SEC14L6: variants seen among roughly 807,000 people sequenced by gnomAD.
SEC14L6 encodes the protein SEC14 like lipid binding 6.
In SEC14L6, 40 loss-of-function variants were observed where a neutral mutation model predicts 54.1. The ratio of observed to expected loss-of-function variants is 0.74; its 90% CI spans 0.57 to 0.96. SEC14L6 has a LOEUF of 0.96. Ranked by LOEUF, SEC14L6 falls within the 40% of genes least tolerant of loss-of-function variation. SEC14L6 has a pLI of 0.00. For missense variants in SEC14L6, 471 were observed against 498.3 expected, an observed-to-expected ratio of 0.95 and a Z score of 0.52; for synonymous variants, 171 against 198.4, an observed-to-expected ratio of 0.86 and a Z score of 1.16.
intron 2 of SEC14L6, among the ~76,000 whole-genome samples, chr22:30,535,427 T>C (rs1223065423): frequency 6.6e-6 from 1 of 152,196 alleles, no homozygotes; most frequent in East Asian, 1.9e-4. Flanking sequence ...CTCACATTGA[T>C]TTCATCTGGG....
At chr22:30,536,021 G>T (rs888766258) in intron 2 of SEC14L6, among the ~76,000 whole-genome samples, 1 of 151,558 alleles carries the variant, frequency 6.6e-6, no homozygotes, top group Non-Finnish European at 1.5e-5. Context: ...ACCAGGTCTG[G>T]CTAAGTTTTA....
chr22:30,528,119 CTTTTT>C (rs1201756831), intron 8 of SEC14L6, among the ~76,000 whole-genome samples: 2 of 117,678 alleles, frequency 1.7e-5, no homozygotes, highest in African/African-American at 3.2e-5. Flanking sequence ...ACCTAGATTT[CTTTTT>C]TTTTTTTTTT....
At chr22:30,531,771 G>A (rs1247918228) in intron 6 of SEC14L6, 132 bp downstream of exon 6, 5 of 638,150 alleles carry the variant, frequency 7.8e-6, no homozygotes, top group Non-Finnish European at 1.4e-5. Flanking sequence ...GCTCTTGTGG[G>A]CAGTACCTGT....
chr22:30,544,079 A>G, intron 1 of SEC14L6: 1 of 1,490,410 alleles, frequency 6.7e-7, no homozygotes, highest in Non-Finnish European at 9.3e-7. Context: ...GTCCCGAGGA[A>G]GTGAATGGGA....
chr22:30,528,949 G>GC (rs2146251472), intron 8 of SEC14L6, 138 bp downstream of exon 8: 1 of 708,844 alleles, frequency 1.4e-6, no homozygotes, highest in East Asian at 2.8e-5. Context: ...AGCCCACCTG[G>GC]CAGCCCACCA....
chr22:30,545,130 CGT>C (rs942176867), intron 1 of SEC14L6, among the ~76,000 whole-genome samples: 3 of 152,074 alleles, frequency 2.0e-5, no homozygotes, highest in Non-Finnish European at 4.4e-5. Context: ...CCAAGCTTGC[CGT>C]GTGCGACCAC....
intron 6 of SEC14L6, 119 bp from the exon 7 acceptor site, chr22:30,529,468 G>A (rs911473165): frequency 3.9e-6 from 3 of 776,300 alleles, no homozygotes; most frequent in Non-Finnish European, 6.5e-6. Context: ...ACCATCCAAG[G>A]CTTTGATGCA....
Position 30,532,059 on chromosome 22 carries a change from T to C in SEC14L6, c.424-61A>G, listed in dbSNP as rs1936995800. On this transcript the variant is annotated intron_variant, in intron 5 of 11. Transcript: ENST00000402034. ...GGCCACTGCCCCCACCCATCCAAGA[T>C]GGGGCTGGGCCTAAGCCCAGGGCAC... 11 of 1,528,392 alleles carry C rather than the reference T, an allele frequency of 7.2e-6. No individual in the cohort carries two copies. The Admixed American group carries it at 1.0e-4, about 14-fold the overall frequency. The allele number at this position is 1,528,392 out of a possible 1,614,324, so 94.7% of individuals were successfully genotyped here.
chr22:30,537,144 C>G (rs1224148691), intron 2 of SEC14L6, among the ~76,000 whole-genome samples: 2 of 151,952 alleles, frequency 1.3e-5, no homozygotes, highest in African/African-American at 4.8e-5. Context: ...TCCAAGATGA[C>G]CATCAGTGAT....
chr22:30,529,373 G>A, intron 6 of SEC14L6, 24 bp from the exon 7 acceptor site: 1 of 1,543,140 alleles, frequency 6.5e-7, no homozygotes, highest in Non-Finnish European at 8.8e-7. Context: ...TGGCAGAAGT[G>A]ATGGGCGTCT....
intron 1 of SEC14L6, among the ~76,000 whole-genome samples, chr22:30,539,158 C>T (rs1055689764): frequency 6.6e-6 from 1 of 152,122 alleles, no homozygotes; most frequent in Non-Finnish European, 1.5e-5. Flanking sequence ...GGGAGGATCA[C>T]CTGAGGTCAG....
chr22:30,543,456 A>G, intron 1 of SEC14L6: 1 of 1,612,108 alleles, frequency 6.2e-7, no homozygotes, highest in South Asian at 1.1e-5. Flanking sequence ...TGTCCCGGAC[A>G]GAAACGGCCT....
At chr22:30,531,472 C>T (rs898032711) in intron 6 of SEC14L6, among the ~76,000 whole-genome samples, 10 of 151,916 alleles carry the variant, frequency 6.6e-5, no homozygotes, top group Non-Finnish European at 1.3e-4. Flanking sequence ...CGCCTGTAAT[C>T]CCAGCACTTT....
At chr22:30,542,951 G>C in intron 1 of SEC14L6, 1 of 1,601,570 alleles carries the variant, frequency 6.2e-7, no homozygotes, top group East Asian at 2.2e-5. Flanking sequence ...TTCCAGAAAG[G>C]GAGCCCTGAC....
chr22:30,529,143 T>C lies in SEC14L6; in HGVS notation c.608A>G (p.Asn203Ser). Residue 203 changes from asparagine to serine, a missense_variant, in exon 8 of 12, where the codon AAC becomes AGC. Coordinates refer to ENST00000402034, the MANE Select transcript of SEC14L6 (RefSeq NM_001193336.4). ...TTCACTCATGTAAGACTTGACCAGGTTGAAGGCTACGGCGAATAGCTTGGG... is the reference window on the plus strand; with the variant it reads ...TTCACTCATGTAAGACTTGACCAGGCTGAAGGCTACGGCGAATAGCTTGGG... The part of the protein sequence containing the change: ...RAPKLFAVAF[N>S]LVKSYMSEET... The C allele has an allele frequency of 6.4e-7, 1 of 1,550,424 alleles. No individual in the cohort carries two copies. The highest frequency in any genetic ancestry group is 2.4e-5 in the East Asian group (1 of 40,874).
intron 11 of SEC14L6, 99 bp downstream of exon 11, chr22:30,525,251 C>A: frequency 6.9e-7 from 1 of 1,455,912 alleles, no homozygotes; most frequent in Non-Finnish European, 9.4e-7. Flanking sequence ...CTGTGCCCAC[C>A]AGAACCAAGG....
intron 6 of SEC14L6, 120 bp from the exon 7 acceptor site, chr22:30,529,469 C>T (rs1936896975): frequency 1.3e-6 from 1 of 773,004 alleles, no homozygotes; most frequent in Admixed American, 2.2e-5. Flanking sequence ...CCATCCAAGG[C>T]TTTGATGCAG....
At chr22:30,528,304 G>A (rs1309679268) in intron 8 of SEC14L6, among the ~76,000 whole-genome samples, 1 of 151,032 alleles carries the variant, frequency 6.6e-6, no homozygotes, top group Non-Finnish European at 1.5e-5. Flanking sequence ...TTTATTTTTA[G>A]TAGAGACGGG....
intron 1 of SEC14L6, among the ~76,000 whole-genome samples, chr22:30,541,802 C>T (rs1409842653): frequency 6.6e-6 from 1 of 152,232 alleles, no homozygotes; most frequent in Non-Finnish European, 1.5e-5. Flanking sequence ...CACTACACTC[C>T]AGCCTAGGTG....
Sources: gnomAD v4.1 joint callset for allele counts (sites outside exome capture counted in the v4.1 genomes callset) on GRCh38, gnomAD v4.1.1 for gene constraint, MANE v1.5 for transcripts, NCBI Gene and HGNC (gene_info 2026-07-23, HGNC 2026-07-21) for gene names.